The following SUCLG2 variants were observed in gnomAD, a reference collection of about 807,000 sequenced individuals.
SUCLG2 encodes succinate--CoA ligase [GDP-forming] subunit beta, mitochondrial.
A neutral mutation model predicts 47.9 loss-of-function variants in SUCLG2; 42 were observed. That is an observed-to-expected ratio of 0.88 (90% CI 0.69 to 1.14). The LOEUF is 1.14. SUCLG2 is among the 50% of genes most tolerant of loss of function. The pLI is 0.00. For missense variants in SUCLG2, 571 were observed against 525.9 expected (o/e 1.09, Z -0.84); for synonymous variants, 195 against 197.3 (o/e 0.99, Z 0.10).
In SUCLG2 at chr3:67,375,487, A is replaced by C. The variant is rs1575654712; in HGVS notation, c.*257T>G. ...CATAGACCACTCCCCAAAGTCTGCA[A>C]AACACTGCCTACTGGGCAGGCTTAC... On this transcript the variant is annotated 3_prime_UTR_variant, in exon 11 of 11. Transcript: ENST00000307227. The C allele has an allele frequency of 8.5e-7, 1 of 1,170,498 alleles. No individual in the cohort carries two copies. The highest frequency in any genetic ancestry group is 1.1e-6 in the Non-Finnish European group (1 of 946,098). 72.5% of individuals were successfully genotyped at this position (1,170,498 alleles called of 1,614,324 possible).
intron 9 of SUCLG2, among the ~76,000 whole-genome samples, chr3:67,447,341 T>C (rs1034500314): frequency 3.3e-5 from 5 of 152,212 alleles, no homozygotes; most frequent in Non-Finnish European, 5.9e-5. Context: ...TGTTTAAATA[T>C]AGAAAATATG....
At chr3:67,392,442 C>T (rs1702409866) in intron 10 of SUCLG2, among the ~76,000 whole-genome samples, 1 of 152,206 alleles carries the variant, frequency 6.6e-6, no homozygotes, top group Non-Finnish European at 1.5e-5. Context: ...GACAAAGGCT[C>T]ACAGGACCTG....
rs75818888 is a variant in SUCLG2 at position 67,636,226 on chromosome 3, G to A, written c.84+18277C>T. 3.4e-3 allele frequency among the ~76,000 whole-genome samples: 513 copies of A among 152,202 alleles called. 3 individuals carry two copies. Among genetic ancestry groups the A allele is most frequent in the African/African-American group, 0.012 (489 of 41,528 alleles). On this transcript the variant is annotated intron_variant, in intron 1 of 10. Coordinates refer to ENST00000307227, the MANE Select transcript of SUCLG2 (RefSeq NM_003848.4). ...AGAATAAGTCCAGGAGCTTGTTTGG[G>A]ATGAACAAACTATGCAGACAGCCTG...
At chr3:67,532,331 T>G (rs1706425287) in intron 2 of SUCLG2, among the ~76,000 whole-genome samples, 1 of 152,138 alleles carries the variant, frequency 6.6e-6, no homozygotes, top group Admixed American at 6.6e-5. Context: ...GAGATGAGGT[T>G]TCCCATGTTG....
chr3:67,417,402 A>T (rs996642629), intron 9 of SUCLG2, among the ~76,000 whole-genome samples: 1 of 152,242 alleles, frequency 6.6e-6, no homozygotes, highest in Non-Finnish European at 1.5e-5. Flanking sequence ...TCCCTTAAAC[A>T]ACTGTATTCA....
intron 9 of SUCLG2, among the ~76,000 whole-genome samples, chr3:67,413,308 A>C (rs1702968540): frequency 6.6e-6 from 1 of 152,220 alleles, no homozygotes; most frequent in African/African-American, 2.4e-5. Flanking sequence ...AGGAAGGCCC[A>C]CTAAGAAAGT....
intron 9 of SUCLG2, among the ~76,000 whole-genome samples, chr3:67,460,517 A>T (rs1704305915): frequency 1.3e-5 from 2 of 152,178 alleles, no homozygotes. Context: ...CATACACTTC[A>T]GGAGGGAAAC....
At chr3:67,620,771 A>G (rs915935075) in intron 1 of SUCLG2, among the ~76,000 whole-genome samples, 1 of 152,096 alleles carries the variant, frequency 6.6e-6, no homozygotes, top group African/African-American at 2.4e-5. Flanking sequence ...AGAGGCCAGC[A>G]TGTTCCAAGG....
chr3:67,498,490 C>T (rs576398881), intron 7 of SUCLG2, among the ~76,000 whole-genome samples, 195 bp from the exon 8 acceptor site: 42 of 152,194 alleles, frequency 2.8e-4, no homozygotes, highest in Admixed American at 9.2e-4. Flanking sequence ...AAGGGACTTA[C>T]GTTCTAGTAA....
At chr3:67,549,891 T>C (rs539590084) in intron 2 of SUCLG2, among the ~76,000 whole-genome samples, 81 of 152,308 alleles carry the variant, frequency 5.3e-4, no homozygotes, top group African/African-American at 1.7e-3. Flanking sequence ...ACAAGGAACG[T>C]ATATTGTATC....
intron 1 of SUCLG2, among the ~76,000 whole-genome samples, chr3:67,653,845 C>G (rs906986894): frequency 2.6e-5 from 4 of 152,234 alleles, no homozygotes; most frequent in African/African-American, 7.2e-5. Context: ...CACTGACCCT[C>G]TTTGATTTCA....
chr3:67,627,046 TAG>T lies in SUCLG2; in HGVS notation c.85-17452_85-17451del, dbSNP rs1424800896. 4.6e-5 allele frequency among the ~76,000 whole-genome samples: 7 copies of T among 151,744 alleles called. No homozygotes were observed. In the East Asian group the frequency reaches 5.8e-4, roughly 13 times the overall value. ...AAAAGGACTAGAGATGGGTTGAAAGTAGAGAGACTATAACCAGAAGACAAATC... is the reference window on the plus strand; with the variant it reads ...AAAAGGACTAGAGATGGGTTGAAAGTAGAGACTATAACCAGAAGACAAATC... On this transcript the variant is annotated intron_variant, in intron 1 of 10. Coordinates refer to ENST00000307227, the MANE Select transcript of SUCLG2 (RefSeq NM_003848.4).
intron 9 of SUCLG2, among the ~76,000 whole-genome samples, chr3:67,425,026 C>A (rs1478706638): frequency 6.6e-6 from 1 of 152,070 alleles, no homozygotes; most frequent in Non-Finnish European, 1.5e-5. Flanking sequence ...ACAATCGCCT[C>A]CCCTTCCCCC....
chr3:67,390,860 A>G (rs971422141), intron 10 of SUCLG2, among the ~76,000 whole-genome samples: 2 of 152,180 alleles, frequency 1.3e-5, no homozygotes, highest in African/African-American at 4.8e-5. Context: ...CCAACATCTT[A>G]TAATAATTTT....
intron 9 of SUCLG2, among the ~76,000 whole-genome samples, chr3:67,491,789 T>C (rs1559545765): frequency 6.6e-6 from 1 of 152,226 alleles, no homozygotes; most frequent in African/African-American, 2.4e-5. Flanking sequence ...TTAAATTTTT[T>C]AAATGATACT....
intron 10 of SUCLG2, among the ~76,000 whole-genome samples, chr3:67,396,572 C>G (rs1443549613): frequency 6.6e-6 from 1 of 152,166 alleles, no homozygotes; most frequent in East Asian, 1.9e-4. Flanking sequence ...GATGGATTCA[C>G]AGCCGAATTC....
At chr3:67,515,153 CT>C (rs1233818641) in intron 6 of SUCLG2, among the ~76,000 whole-genome samples, 1 of 152,182 alleles carries the variant, frequency 6.6e-6, no homozygotes, top group African/African-American at 2.4e-5. Flanking sequence ...ATTCACATCA[CT>C]TTTATTACAG....
chr3:67,566,996 C>T (rs1391721399), intron 2 of SUCLG2, among the ~76,000 whole-genome samples: 2 of 152,186 alleles, frequency 1.3e-5, no homozygotes, highest in Non-Finnish European at 2.9e-5. Context: ...ACTAGCCTGG[C>T]AACATGGCAA....
chr3:67,604,325 T>C (rs1708482537), intron 2 of SUCLG2, among the ~76,000 whole-genome samples: 1 of 152,214 alleles, frequency 6.6e-6, no homozygotes, highest in Non-Finnish European at 1.5e-5. Context: ...CCACATCTAG[T>C]TTTAATCCAA....
Sources: gnomAD v4.1 joint callset for allele counts (sites outside exome capture counted in the v4.1 genomes callset) on GRCh38, gnomAD v4.1.1 for gene constraint, MANE v1.5 for transcripts, NCBI Gene and HGNC (gene_info 2026-07-23, HGNC 2026-07-21) for gene names.